Variants in LOXL2 observed in about 807,000 individuals in gnomAD.
LOXL2 encodes lysyl oxidase homolog 2.
LOXL2 carries 70 observed loss-of-function variants against 93.0 expected under a neutral mutation model. The ratio of observed to expected loss-of-function variants is 0.75; its 90% CI spans 0.62 to 0.92. The LOEUF is 0.92. Among genes scored for constraint, LOXL2 ranks in the 40% least tolerant of loss-of-function variants. The probability of loss-of-function intolerance (pLI) is 0.00; values close to 1 mark genes in which losing one functional copy is unlikely to be tolerated. For synonymous variants in LOXL2, 438 were observed against 413.2 expected (o/e 1.06, Z -0.73); for missense variants, 973 against 1,054.9 (o/e 0.92, Z 1.08).
At chr8:23,317,200 A>T (rs1803417025) in intron 8 of LOXL2, 86 bp from the exon 9 acceptor site, 6 of 1,425,078 alleles carry the variant, frequency 4.2e-6, no homozygotes, top group Admixed American at 3.5e-5. Flanking sequence ...CCTCACAAAA[A>T]TCCCAATGTT....
intron 3 of LOXL2, among the ~76,000 whole-genome samples, chr8:23,355,511 A>ATTTT: frequency 1.2e-5 from 1 of 81,062 alleles, no homozygotes; most frequent in Non-Finnish European, 2.3e-5. Context: ...GTTGACATTC[A>ATTTT]CTTTTTTTTT....
At chr8:23,371,654 A>G (rs544748432) in intron 1 of LOXL2, among the ~76,000 whole-genome samples, 1 of 142,780 alleles carries the variant, frequency 7.0e-6, no homozygotes, top group East Asian at 2.2e-4. Flanking sequence ...CGGGAGGCTG[A>G]GGCAGGAGAA....
At chr8:23,401,075 C>A (rs924840629) in intron 1 of LOXL2, among the ~76,000 whole-genome samples, 1 of 152,174 alleles carries the variant, frequency 6.6e-6, no homozygotes, top group Non-Finnish European at 1.5e-5. Flanking sequence ...ACCACCGAAG[C>A]CCAGCCATGA....
intron 1 of LOXL2, among the ~76,000 whole-genome samples, chr8:23,383,873 G>A (rs1218206472): frequency 6.6e-6 from 1 of 151,828 alleles, no homozygotes; most frequent in Non-Finnish European, 1.5e-5. Flanking sequence ...TGTTAGCCAG[G>A]ATGGTCTCGA....
chr8:23,310,262 A>T (rs1803303542), intron 9 of LOXL2, among the ~76,000 whole-genome samples: 2 of 152,358 alleles, frequency 1.3e-5, no homozygotes, highest in East Asian at 3.9e-4. Flanking sequence ...TGATTATATT[A>T]TTCTACTTCA....
At chr8:23,377,591 T>A (rs1199632526) in intron 1 of LOXL2, among the ~76,000 whole-genome samples, 1 of 152,098 alleles carries the variant, frequency 6.6e-6, no homozygotes, top group African/African-American at 2.4e-5. Context: ...TTTGTAGATC[T>A]TTAAGGACTT....
At chr8:23,378,469 G>A (rs7816820) in intron 1 of LOXL2, among the ~76,000 whole-genome samples, 75,633 of 151,910 alleles carry the variant, frequency 0.5, 19,228 homozygotes, top group East Asian at 0.67. Context: ...TGTATTTCCC[G>A]AATTTGAACG....
chr8:23,297,859 G>GC lies in LOXL2; in HGVS notation c.*183dup, dbSNP rs1248847531. ...CTCAGGCCCCAAGGGTCAGGTAGCA[G>GC]CCCCCCATGAATGATGGGAGGGTCC... On this transcript the variant is annotated 3_prime_UTR_variant, in exon 14 of 14. Coordinates refer to ENST00000389131, the MANE Select transcript of LOXL2 (RefSeq NM_002318.3). The GC allele has an allele frequency of 1.2e-5, 7 of 565,970 alleles. No individual in the cohort carries two copies. The highest frequency in any genetic ancestry group is 2.2e-5 in the Non-Finnish European group (7 of 318,254). The allele number at this position is 565,970 out of a possible 1,614,324, so 35.1% of individuals were successfully genotyped here.
chr8:23,341,450 G>A (rs571070588), intron 3 of LOXL2: 6 of 550,294 alleles, frequency 1.1e-5, no homozygotes, highest in East Asian at 9.5e-5. Flanking sequence ...ACCTGGAACA[G>A]TCAGAAAAGA....
intron 6 of LOXL2, among the ~76,000 whole-genome samples, chr8:23,325,354 T>G (rs1207629156): frequency 6.6e-6 from 1 of 152,178 alleles, no homozygotes; most frequent in Non-Finnish European, 1.5e-5. Context: ...TGCAGTGACA[T>G]GATCATGGTT....
At chr8:23,349,234 C>T (rs1376455662) in intron 3 of LOXL2, among the ~76,000 whole-genome samples, 1 of 152,160 alleles carries the variant, frequency 6.6e-6, no homozygotes. Flanking sequence ...CCTGTGCTGT[C>T]TCCTCGCCTC....
At chr8:23,350,538 C>T (rs370554403) in intron 3 of LOXL2, among the ~76,000 whole-genome samples, 1 of 152,192 alleles carries the variant, frequency 6.6e-6, no homozygotes, top group African/African-American at 2.4e-5. Context: ...CCATTGCACT[C>T]CAGCCTGGGC....
chr8:23,395,545 AT>A (rs984776962), intron 1 of LOXL2, among the ~76,000 whole-genome samples: 2 of 152,146 alleles, frequency 1.3e-5, no homozygotes, highest in African/African-American at 4.8e-5. Context: ...TGACTTGTAC[AT>A]TTTAATGGGT....
intron 10 of LOXL2, among the ~76,000 whole-genome samples, chr8:23,306,760 A>G (rs1251501741): frequency 6.6e-6 from 1 of 152,234 alleles, no homozygotes; most frequent in East Asian, 1.9e-4. Flanking sequence ...TGGGAGAGCC[A>G]AGCCCCTTGG....
intron 12 of LOXL2, among the ~76,000 whole-genome samples, chr8:23,300,196 G>C (rs35826859): frequency 0.3 from 45,560 of 152,166 alleles, 7,241 homozygotes; most frequent in East Asian, 0.36. Flanking sequence ...GGCTCGTGTT[G>C]GGGACACGAG....
At chr8:23,340,397 T>TA (rs781088642) in intron 4 of LOXL2, among the ~76,000 whole-genome samples, 16 of 152,118 alleles carry the variant, frequency 1.1e-4, no homozygotes, top group Non-Finnish European at 1.9e-4. Context: ...GGACACCCCT[T>TA]AAGTCAAAAT....
At chr8:23,321,505 G>A (rs986489401) in intron 7 of LOXL2, among the ~76,000 whole-genome samples, 1 of 152,158 alleles carries the variant, frequency 6.6e-6, no homozygotes, top group Admixed American at 6.6e-5. Context: ...TGGCTTTCTG[G>A]TGAGCGGGGT....
chr8:23,326,662 G>A (rs1267589921), intron 6 of LOXL2, among the ~76,000 whole-genome samples: 1 of 151,956 alleles, frequency 6.6e-6, no homozygotes, highest in Non-Finnish European at 1.5e-5. Context: ...GCTGAGGCAG[G>A]ATAATTGCTT....
chr8:23,338,490 G>A (rs964659275), intron 4 of LOXL2, among the ~76,000 whole-genome samples: 2 of 152,176 alleles, frequency 1.3e-5, no homozygotes, highest in Non-Finnish European at 2.9e-5. Flanking sequence ...GGTCCTTCAC[G>A]GGCCTTGGTG....
Sources: allele counts gnomAD v4.1 joint callset (sites outside exome capture counted in the v4.1 genomes callset), GRCh38; gene constraint gnomAD v4.1.1; transcripts MANE v1.5; gene names NCBI Gene and HGNC (gene_info 2026-07-23, HGNC 2026-07-21).